The following POU6F2 variants were observed in gnomAD, a reference collection of about 807,000 sequenced individuals.
POU6F2 encodes the protein POU class 6 homeobox 2.
In POU6F2, 31 loss-of-function variants were observed where a neutral mutation model predicts 71.3. The observed-to-expected ratio is 0.43, with a 90% confidence interval of 0.33 to 0.59. The LOEUF is 0.59. Among genes scored for constraint, POU6F2 ranks in the 20% least tolerant of loss-of-function variants. The pLI, the probability that POU6F2 is intolerant of heterozygous loss-of-function variation, is 0.04. For missense variants in POU6F2, 783 were observed against 856.8 expected, an observed-to-expected ratio of 0.91 and a Z score of 1.07; for synonymous variants, 347 against 355.7, an observed-to-expected ratio of 0.98 and a Z score of 0.27.
chr7:39,267,446 C>G (rs1440897395), intron 4 of POU6F2, among the ~76,000 whole-genome samples: 1 of 152,156 alleles, frequency 6.6e-6, no homozygotes, highest in African/African-American at 2.4e-5. Context: ...AGGGAGGCAG[C>G]AGGGAGCCCC....
At chr7:39,160,100 G>A (rs562489241) in intron 2 of POU6F2, among the ~76,000 whole-genome samples, 42 of 152,188 alleles carry the variant, frequency 2.8e-4, no homozygotes, top group Non-Finnish European at 4.8e-4. Context: ...GCAAACATAG[G>A]AGAGGACAGC....
intron 2 of POU6F2, among the ~76,000 whole-genome samples, chr7:39,135,769 C>A (rs1237191507): frequency 6.6e-6 from 1 of 151,878 alleles, no homozygotes; most frequent in East Asian, 1.9e-4. Flanking sequence ...TTAGTATTGT[C>A]TGAAAGTTCC....
intron 1 of POU6F2, among the ~76,000 whole-genome samples, chr7:39,038,415 G>T (rs1584512087): frequency 1.3e-5 from 2 of 151,840 alleles, no homozygotes; most frequent in East Asian, 3.9e-4. Context: ...AATTTATTTT[G>T]CCTAAAATAA....
chr7:39,124,046 G>GC (rs1792096465), intron 2 of POU6F2, among the ~76,000 whole-genome samples: 1 of 103,908 alleles, frequency 9.6e-6, no homozygotes, highest in African/African-American at 4.1e-5. Flanking sequence ...CATAGACTGG[G>GC]CCTTTTTTTT....
At chr7:39,049,610 G>A (rs1317618907) in intron 1 of POU6F2, among the ~76,000 whole-genome samples, 2 of 151,980 alleles carry the variant, frequency 1.3e-5, no homozygotes, top group East Asian at 3.9e-4. Flanking sequence ...TTGTGGTTAT[G>A]CATCTTAAGT....
intron 6 of POU6F2, among the ~76,000 whole-genome samples, chr7:39,431,405 C>T (rs898225230): frequency 1.1e-4 from 16 of 152,164 alleles, no homozygotes; most frequent in Non-Finnish European, 1.9e-4. Flanking sequence ...ATCTGGAGTC[C>T]CAGTGACGGC....
chr7:39,014,479 A>G (rs1272867364), intron 1 of POU6F2, among the ~76,000 whole-genome samples: 5 of 152,188 alleles, frequency 3.3e-5, no homozygotes, highest in Admixed American at 3.3e-4. Context: ...TTAATGTTAA[A>G]TCTTTCTCCT....
chr7:39,170,663 A>T (rs1447673396), intron 2 of POU6F2, among the ~76,000 whole-genome samples: 2 of 152,144 alleles, frequency 1.3e-5, no homozygotes, highest in African/African-American at 4.8e-5. Flanking sequence ...ATCAGAATTA[A>T]TTTTATAGTA....
At chr7:39,432,343 T>C (rs1788122779) in intron 6 of POU6F2, among the ~76,000 whole-genome samples, 1 of 152,146 alleles carries the variant, frequency 6.6e-6, no homozygotes, top group African/African-American at 2.4e-5. Context: ...GGCACTTTCT[T>C]TCTGATTTCA....
At chr7:39,399,196 A>T (rs950108839) in intron 5 of POU6F2, among the ~76,000 whole-genome samples, 6 of 151,494 alleles carry the variant, frequency 4.0e-5, no homozygotes, top group African/African-American at 1.5e-4. Flanking sequence ...TGGCCAGCTT[A>T]TTTTTTCCTA....
At chr7:39,406,903 T>C (rs900859742) in intron 6 of POU6F2, among the ~76,000 whole-genome samples, 163 bp downstream of exon 6, 5 of 152,178 alleles carry the variant, frequency 3.3e-5, no homozygotes, top group Non-Finnish European at 5.9e-5. Flanking sequence ...GGGAGGTGTT[T>C]CTATGTTTTA....
chr7:39,244,920 A>G lies in POU6F2; in HGVS notation c.598+37300A>G, dbSNP rs1016573117. On this transcript the variant is annotated intron_variant, in intron 4 of 9. Transcript: ENST00000518318. ...ACATTTTAATGAACCAGAAGAATTC[A>G]GTAACAGCCACGAATACTCCAAATG... 1.2e-4 allele frequency among the ~76,000 whole-genome samples: 19 copies of G among 152,220 alleles called. No homozygotes were observed. The East Asian group carries it at 2.1e-3, about 17-fold the overall frequency.
At chr7:39,284,665 G>A (rs1292399120) in intron 4 of POU6F2, among the ~76,000 whole-genome samples, 2 of 152,152 alleles carry the variant, frequency 1.3e-5, no homozygotes, top group East Asian at 1.9e-4. Context: ...CTCTTTCTCT[G>A]TGCTAGCTTT....
At chr7:39,164,040 A>G (rs1450566485) in intron 2 of POU6F2, among the ~76,000 whole-genome samples, 1 of 152,156 alleles carries the variant, frequency 6.6e-6, no homozygotes, top group Non-Finnish European at 1.5e-5. Context: ...TGGTGACCAT[A>G]GTTAATAATG....
chr7:39,415,138 T>G (rs908089707), intron 6 of POU6F2, among the ~76,000 whole-genome samples: 1 of 152,068 alleles, frequency 6.6e-6, no homozygotes, highest in African/African-American at 2.4e-5. Flanking sequence ...ATTCTCCTGC[T>G]TCAGCCTCCC....
intron 5 of POU6F2, among the ~76,000 whole-genome samples, chr7:39,355,916 A>G (rs1228594038): frequency 6.6e-6 from 1 of 152,162 alleles, no homozygotes; most frequent in Non-Finnish European, 1.5e-5. Context: ...CACAGGGATT[A>G]ATTGGCTAAT....
Position 39,243,993 on chromosome 7 carries a change from A to G in POU6F2, c.598+36373A>G, listed in dbSNP as rs79949112. On this transcript the variant is annotated intron_variant, in intron 4 of 9. Transcript: ENST00000518318. ...ACTTGAAGTTTTTGATCAAAAAGGT[A>G]TTCATATTTGATAACTTTCCATTAA... Among the ~76,000 whole-genome samples the G allele has an allele frequency of 6.6e-5, 10 of 152,284 alleles. No individual in the cohort carries two copies. In the East Asian group the frequency reaches 1.9e-3, roughly 29 times the overall value.
intron 2 of POU6F2, among the ~76,000 whole-genome samples, 176 bp downstream of exon 2, chr7:39,086,207 C>G (rs1463684739): frequency 2.0e-5 from 3 of 150,112 alleles, no homozygotes; most frequent in Admixed American, 1.4e-4. Flanking sequence ...AGGAGGATGT[C>G]CTCCAAACTT....
chr7:39,457,162 G>A (rs1267593180), intron 8 of POU6F2, among the ~76,000 whole-genome samples: 1 of 152,212 alleles, frequency 6.6e-6, no homozygotes, highest in Non-Finnish European at 1.5e-5. Flanking sequence ...GGCAGAGGAA[G>A]GGAAGAAAGA....
Sources: gnomAD v4.1 joint callset for allele counts (sites outside exome capture counted in the v4.1 genomes callset) on GRCh38, gnomAD v4.1.1 for gene constraint, MANE v1.5 for transcripts, NCBI Gene and HGNC (gene_info 2026-07-23, HGNC 2026-07-21) for gene names.